ABLIM2: variants seen among roughly 807,000 people sequenced by gnomAD.
ABLIM2 encodes the protein actin binding LIM protein family member 2.
In ABLIM2, 53 loss-of-function variants were observed where a neutral mutation model predicts 97.7. The observed-to-expected ratio is 0.54, with a 90% CI of 0.44 to 0.68. The LOEUF is 0.68. ABLIM2 is among the 30% of genes least tolerant of loss of function. The pLI, the probability that ABLIM2 is intolerant of heterozygous loss-of-function variation, is 0.00. For synonymous variants in ABLIM2, 361 were observed against 345.8 expected (o/e 1.04, Z -0.49); for missense variants, 835 against 867.2 (o/e 0.96, Z 0.47).
intron 1 of ABLIM2, among the ~76,000 whole-genome samples, chr4:8,138,741 C>T (rs1850525958): frequency 6.6e-6 from 1 of 152,128 alleles, no homozygotes; most frequent in African/African-American, 2.4e-5. Context: ...AAACGTAAAA[C>T]CCAAAACAAT....
In ABLIM2 at chr4:8,117,771, C is replaced by G. The variant is rs142776344; in HGVS notation, c.11-11134G>C. On this transcript the variant is annotated intron_variant, in intron 1 of 20. Transcript: ENST00000447017. ...CTGGGCATGTTTCCAGAAGCCAGCT[C>G]CGCTTACTCTAAATTCAAGCAGGGT... 1.9e-3 allele frequency among the ~76,000 whole-genome samples: 286 copies of G among 152,260 alleles called. 2 individuals carry two copies. Among genetic ancestry groups the G allele is most frequent in the African/African-American group, 6.4e-3 (266 of 41,550 alleles).
Position 7,966,942 on chromosome 4 carries a change from C to T in ABLIM2, c.*48G>A, listed in dbSNP as rs757846249. The T allele has an allele frequency of 5.5e-6, 7 of 1,269,722 alleles. No homozygotes were observed. The highest frequency in any genetic ancestry group is 4.6e-5 in the African/African-American group (3 of 64,786). 78.7% of individuals were successfully genotyped at this position (1,269,722 alleles called of 1,614,324 possible). ...GGTGTGTGCGGTTCTCGCCAGGGGC[C>T]CCTGGCCTCGGCGCCCGGCACACAC... On this transcript the variant is annotated 3_prime_UTR_variant, in exon 21 of 21. Coordinates refer to ENST00000447017, the MANE Select transcript of ABLIM2 (RefSeq NM_001130083.2).
In ABLIM2 at chr4:8,097,298, CGAGG is replaced by C; in HGVS notation, c.155-20_155-17del. 6.4e-7 allele frequency: 1 copy of C among 1,553,222 alleles called. No individual in the cohort carries two copies. Among genetic ancestry groups the C allele is most frequent in the Non-Finnish European group, 8.7e-7 (1 of 1,148,804 alleles). On this transcript the variant is annotated splice_polypyrimidine_tract_variant and intron_variant, in intron 2 of 20. Transcript: ENST00000447017. Reference sequence around the variant, plus strand: ...CAGCCACATGCTGGGGGAGGACGGGCGAGGTGGCGTTAGCGGCAGAGGGGACCAT... The same window carrying C: ...CAGCCACATGCTGGGGGAGGACGGGCTGGCGTTAGCGGCAGAGGGGACCAT...
At chr4:8,139,224 G>A (rs529210804) in intron 1 of ABLIM2, among the ~76,000 whole-genome samples, 3 of 146,120 alleles carry the variant, frequency 2.1e-5, no homozygotes, top group African/African-American at 7.9e-5. Context: ...AAAGGGAAAA[G>A]GGAAAAGGGA....
chr4:7,987,601 G>T (rs1313484529), intron 17 of ABLIM2, among the ~76,000 whole-genome samples: 2 of 152,114 alleles, frequency 1.3e-5, no homozygotes, highest in African/African-American at 4.8e-5. Context: ...CTGCATAACG[G>T]GCTTCCAAAA....
Position 7,967,076 on chromosome 4 carries a change from C to T in ABLIM2, c.1852G>A (p.Glu618Lys), listed in dbSNP as rs57633755. The change falls in exon 21 of 21, where the codon GAA (glutamate) becomes AAA (lysine). Residue 618 changes from glutamate (E) to lysine (K), a missense_variant. Coordinates refer to ENST00000447017, the MANE Select transcript of ABLIM2 (RefSeq NM_001130083.2). ...TCCTCGATGCTCATCCCAAACACTT[C>T]CTGGAACTCCTCGGGCGACAAGTGT... ...ERHLSPEEFQEVFGMSIEEFD... is the reference protein window; with the variant it reads ...ERHLSPEEFQKVFGMSIEEFD... 4.5e-4 allele frequency: 731 copies of T among 1,613,848 alleles called. 6 individuals are homozygous for T. In the African/African-American group the frequency reaches 9.0e-3, roughly 20 times the overall value.
Position 8,045,153 on chromosome 4 carries a change from C to T in ABLIM2, c.900+11G>A. On this transcript the variant is annotated intron_variant, in intron 9 of 20. Transcript: ENST00000447017. ...TCCCACCGCCGTCCCCATAAAAAGG[C>T]CCTGACTTACATAAATCACACGGCT... 2 of 1,613,092 alleles carry T rather than the reference C, an allele frequency of 1.2e-6. No homozygotes were observed. Among genetic ancestry groups the T allele is most frequent in the Non-Finnish European group, 1.7e-6 (2 of 1,179,110 alleles).
intron 10 of ABLIM2, among the ~76,000 whole-genome samples, chr4:8,035,068 G>A (rs181091251): frequency 1.3e-5 from 1 of 76,688 alleles, no homozygotes; most frequent in African/African-American, 4.2e-5. Flanking sequence ...GTGGGTGCAG[G>A]TGAGTGGGTG....
intron 17 of ABLIM2, among the ~76,000 whole-genome samples, chr4:7,987,576 CT>C (rs1276556108): frequency 2.6e-5 from 4 of 152,210 alleles, no homozygotes; most frequent in African/African-American, 9.6e-5. Context: ...ATGCTGCCCC[CT>C]AGTGCCCATC....
rs1021537639 is a variant in ABLIM2 at position 8,001,209 on chromosome 4, G to A, written c.1618+6850C>T. 1.3e-5 allele frequency among the ~76,000 whole-genome samples: 2 copies of A among 152,204 alleles called. No individual in the cohort carries two copies. The highest frequency in any genetic ancestry group is 6.5e-5 in the Admixed American group (1 of 15,290). On this transcript the variant is annotated intron_variant, in intron 16 of 20. Transcript: ENST00000447017. This position sits in a 1 kb window ranked among gnomAD's most constrained non-coding sequence, Gnocchi z 4.2. The stretch of plus-strand genomic sequence containing the variant: ...GAGGGGAGGCAGAGCTTCCGGTGTC[G>A]GGGCCCAGGCAGCATTGGAGGAGGA...
rs560255402 is a variant in ABLIM2, at chr4:8,011,013, CAGG to C, written c.1424-1914_1424-1912del. On this transcript the variant is annotated intron_variant, in intron 14 of 20. Transcript: ENST00000447017. ...ATAAGTGCATCGTTTCCTGAAAAGC[CAGG>C]AGGTTGGAAAGTGGATCACCACTCT... 2.6e-3 allele frequency among the ~76,000 whole-genome samples: 396 copies of C among 152,344 alleles called. 2 individuals are homozygous for C. Among genetic ancestry groups the C allele is most frequent in the African/African-American group, 9.0e-3 (373 of 41,570 alleles).
Position 7,965,379 on chromosome 4 carries a change from T to A in ABLIM2, c.*1611A>T, listed in dbSNP as rs1722498169. Reference sequence around the variant, plus strand: ...GGCTTCCTGGGATCAGATATGACATTGCACTAATGAGAAATGGGGGTTTCC... The same window carrying A: ...GGCTTCCTGGGATCAGATATGACATAGCACTAATGAGAAATGGGGGTTTCC... On this transcript the variant is annotated 3_prime_UTR_variant, in exon 21 of 21. Transcript: ENST00000447017. The A allele has an allele frequency of 6.5e-6, 1 of 152,672 alleles. No homozygotes were observed. The highest frequency in any genetic ancestry group is 1.5e-5 in the Non-Finnish European group (1 of 68,052). 9.5% of individuals were successfully genotyped at this position (152,672 alleles called of 1,614,324 possible).
chr4:8,029,027 G>A (rs940638133), intron 11 of ABLIM2, among the ~76,000 whole-genome samples: 1 of 152,188 alleles, frequency 6.6e-6, no homozygotes, highest in African/African-American at 2.4e-5. Context: ...ACACGCTCAG[G>A]GGGTCGAGGA....
At chr4:8,143,163 G>GGGA (rs1851279666) in intron 1 of ABLIM2, among the ~76,000 whole-genome samples, 2 of 148,540 alleles carry the variant, frequency 1.3e-5, no homozygotes, top group Non-Finnish European at 3.0e-5. Flanking sequence ...CGAGAGTGGG[G>GGGA]GGGGGGGGCG....
At position 8,147,681 on chromosome 4, in the gene ABLIM2, G is replaced by A. The variant is rs1255672461; in HGVS notation, c.10+10999C>T. 6.6e-6 allele frequency among the ~76,000 whole-genome samples: 1 copy of A among 152,190 alleles called. No individual in the cohort carries two copies. Among genetic ancestry groups the A allele is most frequent in the South Asian group, 2.1e-4 (1 of 4,818 alleles). ...TCAGAATCTGGCAGCCACCAAAGCT[G>A]CAGGGGTGAGGACTGAGCCTCCCCT... On this transcript the variant is annotated intron_variant, in intron 1 of 20. Coordinates refer to ENST00000447017, the MANE Select transcript of ABLIM2 (RefSeq NM_001130083.2). This position sits in a 1 kb window ranked among gnomAD's most constrained non-coding sequence, Gnocchi z 5.3.
At position 8,069,855 on chromosome 4, in the gene ABLIM2, CTG is replaced by C. The variant is rs1810603943; in HGVS notation, c.675+7771_675+7772del. On this transcript the variant is annotated intron_variant, in intron 6 of 20. Coordinates refer to ENST00000447017, the MANE Select transcript of ABLIM2 (RefSeq NM_001130083.2). This position sits in a 1 kb window ranked among gnomAD's most constrained non-coding sequence, Gnocchi z 4.2. ...TGTCTGTGGGTGCCGTGTGTGTTTTCTGTGTGTCTGCGTTGTCGATGTCTGTG... is the reference window on the plus strand; with the variant it reads ...TGTCTGTGGGTGCCGTGTGTGTTTTCTGTGTCTGCGTTGTCGATGTCTGTG... 1.3e-5 allele frequency among the ~76,000 whole-genome samples: 2 copies of C among 151,630 alleles called. No individual in the cohort carries two copies. The highest frequency in any genetic ancestry group is 4.9e-5 in the African/African-American group (2 of 41,228).
chr4:8,087,716 C>T lies in ABLIM2; in HGVS notation c.454+453G>A, dbSNP rs1824637316. On this transcript the variant is annotated intron_variant, in intron 4 of 20. Coordinates refer to ENST00000447017, the MANE Select transcript of ABLIM2 (RefSeq NM_001130083.2). The surrounding 1 kb of genome is among the most constrained non-coding windows in gnomAD (Gnocchi z 4.6). ...CAGCAGTGGGCATTAGATGGGAAAG[C>T]AGCAGTGGACATTAGATGGGAAAGC... Among the ~76,000 whole-genome samples the T allele has an allele frequency of 6.6e-6, 1 of 152,002 alleles. No individual in the cohort carries two copies. Among genetic ancestry groups the T allele is most frequent in the African/African-American group, 2.4e-5 (1 of 41,356 alleles).
rs1336987028 is a variant in ABLIM2, at chr4:7,996,376, G to A, written c.1619-3449C>T. On this transcript the variant is annotated intron_variant, in intron 16 of 20. Coordinates refer to ENST00000447017, the MANE Select transcript of ABLIM2 (RefSeq NM_001130083.2). This position sits in a 1 kb window ranked among gnomAD's most constrained non-coding sequence, Gnocchi z 4.5. ...CGAAGGCCTCTACCTGCCTGCCCCT[G>A]GAGTCACCTGGACAGCGTGCCAGGT... Among the ~76,000 whole-genome samples, 1 of 152,190 alleles carries A rather than the reference G, an allele frequency of 6.6e-6. No homozygotes were observed. The highest frequency in any genetic ancestry group is 1.9e-4 in the East Asian group (1 of 5,172).
chr4:7,995,386 G>T (rs1379671781), intron 16 of ABLIM2, among the ~76,000 whole-genome samples: 1 of 152,226 alleles, frequency 6.6e-6, no homozygotes, highest in African/African-American at 2.4e-5. Context: ...GGGGAAGGTG[G>T]CTCACAAGGC....
Sources: gnomAD v4.1 joint callset for allele counts (sites outside exome capture counted in the v4.1 genomes callset) on GRCh38, gnomAD v4.1.1 for gene constraint, Gnocchi (gnomAD v3.1) non-coding constraint, MANE v1.5 for transcripts, NCBI Gene and HGNC (gene_info 2026-07-23, HGNC 2026-07-21) for gene names.